Variants in AUTS2 observed in about 807,000 individuals in gnomAD.
AUTS2 encodes the protein activator of transcription and developmental regulator AUTS2, also known as autism susceptibility gene 2 protein.
AUTS2 carries 17 observed loss-of-function variants against 112.4 expected under a neutral mutation model. The ratio of observed to expected loss-of-function variants is 0.15; its 90% CI spans 0.10 to 0.23. AUTS2 has a LOEUF of 0.23. Ranked by LOEUF, AUTS2 falls within the 10% of genes least tolerant of loss-of-function variation. AUTS2 has a pLI of 1.00. For missense variants in AUTS2, 1,510 were observed against 1,701.6 expected, an observed-to-expected ratio of 0.89 and a Z score of 1.98; for synonymous variants, 751 against 702.7, an observed-to-expected ratio of 1.07 and a Z score of -1.09.
chr7:70,730,217 G>GTT (rs35397169), intron 6 of AUTS2, among the ~76,000 whole-genome samples: 2 of 148,208 alleles, frequency 1.3e-5, no homozygotes, highest in African/African-American at 5.0e-5. Context: ...AGGACAACCA[G>GTT]TTTTTTTTTT....
chr7:69,698,518 G>C (rs1396867255), intron 1 of AUTS2, among the ~76,000 whole-genome samples: 1 of 152,056 alleles, frequency 6.6e-6, no homozygotes, highest in Admixed American at 6.6e-5. Context: ...TGAGCCTGGG[G>C]GTTCCTTCTT....
chr7:70,023,379 T>G (rs569530845), intron 2 of AUTS2, among the ~76,000 whole-genome samples: 57 of 152,290 alleles, frequency 3.7e-4, no homozygotes, highest in Admixed American at 2.2e-3. Flanking sequence ...AAATTCATTT[T>G]CAGAGACTGG....
At chr7:70,306,903 G>C (rs1789518253) in intron 4 of AUTS2, among the ~76,000 whole-genome samples, 1 of 152,132 alleles carries the variant, frequency 6.6e-6, no homozygotes, top group African/African-American at 2.4e-5. Flanking sequence ...CAGATGTCCT[G>C]TGAGCTGGAC....
At chr7:69,874,366 G>A (rs1476181423) in intron 1 of AUTS2, among the ~76,000 whole-genome samples, 2 of 152,180 alleles carry the variant, frequency 1.3e-5, no homozygotes, top group African/African-American at 4.8e-5. Flanking sequence ...ACCATAAGCA[G>A]GGTCCCAGTC....
intron 4 of AUTS2, among the ~76,000 whole-genome samples, chr7:70,272,495 T>C (rs1369217111): frequency 6.6e-6 from 1 of 152,194 alleles, no homozygotes; most frequent in East Asian, 1.9e-4. Context: ...TCGCTTCTTT[T>C]GGTGGCATCT....
chr7:69,879,615 A>AT (rs1244992150), intron 1 of AUTS2, among the ~76,000 whole-genome samples: 1 of 152,176 alleles, frequency 6.6e-6, no homozygotes, highest in African/African-American at 2.4e-5. Context: ...CATTATATAT[A>AT]TTAACTTATT....
At chr7:69,772,563 G>A (rs1788714901) in intron 1 of AUTS2, among the ~76,000 whole-genome samples, 1 of 152,108 alleles carries the variant, frequency 6.6e-6, no homozygotes, top group South Asian at 2.1e-4. Context: ...CCTCCTGAGT[G>A]ACTTGGACTA....
intron 6 of AUTS2, among the ~76,000 whole-genome samples, chr7:70,736,752 C>T (rs1167080296): frequency 1.3e-5 from 2 of 152,134 alleles, no homozygotes. Flanking sequence ...TTCCTAACGC[C>T]GGCTTATCAG....
intron 5 of AUTS2, among the ~76,000 whole-genome samples, chr7:70,565,810 G>C (rs1330257240): frequency 6.6e-6 from 1 of 152,156 alleles, no homozygotes; most frequent in African/African-American, 2.4e-5. Flanking sequence ...ATAATTTCCT[G>C]AGACTATAGA....
At chr7:70,721,318 G>T (rs1157846953) in intron 6 of AUTS2, among the ~76,000 whole-genome samples, 5 of 143,216 alleles carry the variant, frequency 3.5e-5, no homozygotes, top group South Asian at 2.2e-4. Context: ...GTGTGTTTCC[G>T]ATGGAGTCTC....
intron 1 of AUTS2, among the ~76,000 whole-genome samples, chr7:69,667,662 C>T (rs1413476532): frequency 6.6e-6 from 1 of 152,084 alleles, no homozygotes; most frequent in Non-Finnish European, 1.5e-5. Flanking sequence ...AGCCCAAAAT[C>T]AAGATTTTGA....
At chr7:70,622,090 G>C (rs1016313991) in intron 5 of AUTS2, among the ~76,000 whole-genome samples, 1 of 151,752 alleles carries the variant, frequency 6.6e-6, no homozygotes, top group African/African-American at 2.4e-5. Context: ...TGCCCGCCTC[G>C]TCCTCCCAAA....
intron 2 of AUTS2, among the ~76,000 whole-genome samples, chr7:70,107,210 G>T: frequency 6.6e-6 from 1 of 151,900 alleles, no homozygotes; most frequent in East Asian, 1.9e-4. Flanking sequence ...CAAAATCAGT[G>T]ATAGCACATT....
intron 3 of AUTS2, among the ~76,000 whole-genome samples, chr7:70,126,010 A>C (rs1242047047): frequency 6.6e-6 from 1 of 152,236 alleles, no homozygotes. Flanking sequence ...AAGTGAGGCT[A>C]ATCAAAATAG....
chr7:70,456,286 TA>T (rs1796736402), intron 5 of AUTS2, among the ~76,000 whole-genome samples: 1 of 152,238 alleles, frequency 6.6e-6, no homozygotes, highest in African/African-American at 2.4e-5. Flanking sequence ...CTTTTACTTT[TA>T]CTTTTACTTT....
intron 2 of AUTS2, among the ~76,000 whole-genome samples, chr7:69,981,844 G>C (rs189606242): frequency 4.6e-4 from 70 of 152,218 alleles, no homozygotes; most frequent in African/African-American, 1.6e-3. Context: ...ACATATACTC[G>C]TTCTACCACT....
At chr7:70,641,842 A>G (rs1333554185) in intron 5 of AUTS2, among the ~76,000 whole-genome samples, 2 of 152,236 alleles carry the variant, frequency 1.3e-5, no homozygotes, top group Non-Finnish European at 2.9e-5. Flanking sequence ...GTCACTCCAC[A>G]TAACATTTTT....
chr7:69,815,294 C>T (rs761303465), intron 1 of AUTS2, among the ~76,000 whole-genome samples: 1 of 152,036 alleles, frequency 6.6e-6, no homozygotes, highest in Non-Finnish European at 1.5e-5. Flanking sequence ...GGTTTTCTCC[C>T]TTGGACTTAA....
At chr7:70,566,541 A>G (rs1801715335) in intron 5 of AUTS2, among the ~76,000 whole-genome samples, 1 of 152,224 alleles carries the variant, frequency 6.6e-6, no homozygotes, top group Non-Finnish European at 1.5e-5. Flanking sequence ...TTGGAACATT[A>G]TACAAAAAAA....
Sources: allele counts gnomAD v4.1 joint callset (sites outside exome capture counted in the v4.1 genomes callset), GRCh38; gene constraint gnomAD v4.1.1; transcripts MANE v1.5; gene names NCBI Gene and HGNC (gene_info 2026-07-23, HGNC 2026-07-21).